The following HSD17B3 variants were observed in gnomAD, a reference collection of about 807,000 sequenced individuals.
The protein encoded by HSD17B3 is hydroxysteroid 17-beta dehydrogenase 3.
Under a neutral mutation model 41.1 loss-of-function variants are expected in HSD17B3, and 29 were observed. The observed-to-expected ratio is 0.71, with a 90% confidence interval of 0.53 to 0.96. HSD17B3 has a LOEUF of 0.96. Among genes scored for constraint, HSD17B3 ranks in the 40% least tolerant of loss-of-function variants. The pLI is 0.00. For synonymous variants in HSD17B3, 126 were observed against 145.6 expected (o/e 0.87, Z 0.97); for missense variants, 323 against 374.6 (o/e 0.86, Z 1.14).
intron 9 of HSD17B3, 24 bp from the exon 10 acceptor site, chr9:96,240,931 G>A: frequency 6.2e-7 from 1 of 1,613,898 alleles, no homozygotes; most frequent in South Asian, 1.1e-5. Flanking sequence ...CAAAGACCAT[G>A]GCACAGAAGC....
chr9:96,257,812 G>A (rs550860708), intron 2 of HSD17B3, among the ~76,000 whole-genome samples: 3 of 152,074 alleles, frequency 2.0e-5, no homozygotes, highest in Non-Finnish European at 4.4e-5. Flanking sequence ...CTACAGATGC[G>A]TGCCATCATG....
intron 2 of HSD17B3, among the ~76,000 whole-genome samples, chr9:96,289,813 C>G (rs920180670): frequency 6.6e-6 from 1 of 152,098 alleles, no homozygotes; most frequent in African/African-American, 2.4e-5. Flanking sequence ...GCTCCATACA[C>G]AGGTTTTGCC....
chr9:96,249,485 C>A, intron 6 of HSD17B3: 2 of 495,384 alleles, frequency 4.0e-6, no homozygotes, highest in East Asian at 3.2e-5. Context: ...TACGTTTCAG[C>A]ATCATCGAGC....
At chr9:96,277,657 GAA>G (rs1826517612) in intron 2 of HSD17B3, among the ~76,000 whole-genome samples, 1 of 130,284 alleles carries the variant, frequency 7.7e-6, no homozygotes, top group African/African-American at 2.8e-5. Context: ...AAACTGTATG[GAA>G]GTTCCTTCAA....
At position 96,272,373 on chromosome 9, in the gene HSD17B3, A is replaced by ATCTCTC. The variant is rs373017603; in HGVS notation, c.202-17436_202-17431dup. Among the ~76,000 whole-genome samples the ATCTCTC allele has an allele frequency of 5.9e-3, 26 of 4,414 alleles. 6 individuals are homozygous for ATCTCTC. The highest frequency in any genetic ancestry group is 0.013 in the South Asian group (1 of 76). 2.9% of individuals were successfully genotyped at this position (4,414 alleles called of 152,430 possible). On this transcript the variant is annotated intron_variant, in intron 2 of 10. Coordinates refer to ENST00000375263, the MANE Select transcript of HSD17B3 (RefSeq NM_000197.2). ...GCCTGGGCAACAAGAGTAAGACTGC[A>ATCTCTC]TCTCTCTCTCTCTCTCTCTCTCTCT...
intron 2 of HSD17B3, among the ~76,000 whole-genome samples, chr9:96,282,030 G>GT (rs1281310747): frequency 3.9e-5 from 6 of 152,206 alleles, no homozygotes; most frequent in Non-Finnish European, 5.9e-5. Context: ...TTTCTATATT[G>GT]TTCTGCCACA....
At chr9:96,260,118 C>G (rs1057362822) in intron 2 of HSD17B3, among the ~76,000 whole-genome samples, 17 of 152,276 alleles carry the variant, frequency 1.1e-4, no homozygotes, top group African/African-American at 4.1e-4. Context: ...GGTAGATATT[C>G]TTTATCAATT....
chr9:96,245,547 T>C, intron 7 of HSD17B3, 121 bp from the exon 8 acceptor site: 2 of 739,446 alleles, frequency 2.7e-6, no homozygotes, highest in Non-Finnish European at 4.9e-6. Flanking sequence ...CTTCCGCAAG[T>C]GCTAGGGGCT....
intron 2 of HSD17B3, among the ~76,000 whole-genome samples, chr9:96,279,090 A>G (rs1826586709): frequency 6.6e-6 from 1 of 152,250 alleles, no homozygotes; most frequent in Non-Finnish European, 1.5e-5. Context: ...GTTCAAGGCC[A>G]TGAATGCTAC....
intron 2 of HSD17B3, among the ~76,000 whole-genome samples, chr9:96,274,473 T>C (rs182206284): frequency 9.0e-4 from 136 of 150,884 alleles, no homozygotes; most frequent in African/African-American, 3.2e-3. Flanking sequence ...AATAAATAAA[T>C]AAAAGAACAC....
chr9:96,292,018 A>G (rs1462579559), intron 2 of HSD17B3, among the ~76,000 whole-genome samples: 1 of 152,204 alleles, frequency 6.6e-6, no homozygotes, highest in African/African-American at 2.4e-5. Flanking sequence ...TGGCAAAAAT[A>G]GAAAAATCTC....
At chr9:96,243,044 C>T (rs934393785) in intron 9 of HSD17B3, among the ~76,000 whole-genome samples, 1 of 152,226 alleles carries the variant, frequency 6.6e-6, no homozygotes, top group Non-Finnish European at 1.5e-5. Flanking sequence ...ACTCCTTTTC[C>T]TCTGGCATGT....
chr9:96,260,813 T>A (rs1214097638), intron 2 of HSD17B3, among the ~76,000 whole-genome samples: 1 of 152,116 alleles, frequency 6.6e-6, no homozygotes, highest in African/African-American at 2.4e-5. Flanking sequence ...GAGTAGCAAC[T>A]AAGAGGAATG....
At chr9:96,240,686 AGCCCAGCCCTGCCAGGGCCACCT>A in intron 10 of HSD17B3, 49 bp downstream of exon 10, 1 of 1,468,378 alleles carries the variant, frequency 6.8e-7, no homozygotes, top group Middle Eastern at 1.7e-4. Context: ...AGGAAGAGCT[AGCCCAGCCCTGCCAGGGCCACCT>A]GCGTGTCCTC....
At chr9:96,290,461 T>C (rs1228271952) in intron 2 of HSD17B3, among the ~76,000 whole-genome samples, 3 of 142,494 alleles carry the variant, frequency 2.1e-5, no homozygotes, top group African/African-American at 5.3e-5. Context: ...CTGGGCTTTT[T>C]TTTTTTTTTT....
At chr9:96,287,334 C>G (rs1328477220) in intron 2 of HSD17B3, among the ~76,000 whole-genome samples, 1 of 152,202 alleles carries the variant, frequency 6.6e-6, no homozygotes, top group Admixed American at 6.5e-5. Context: ...CCAACACACA[C>G]AGCCACTGGG....
intron 2 of HSD17B3, among the ~76,000 whole-genome samples, chr9:96,263,076 G>C (rs1383992580): frequency 6.6e-6 from 1 of 152,210 alleles, no homozygotes; most frequent in African/African-American, 2.4e-5. Context: ...CCAAGTCTCA[G>C]TGACTTCGTA....
intron 2 of HSD17B3, among the ~76,000 whole-genome samples, chr9:96,281,805 T>C (rs192494763): frequency 6.6e-5 from 10 of 152,336 alleles, no homozygotes; most frequent in Admixed American, 2.0e-4. Context: ...TCAGCGTTGC[T>C]GCAATGGGTG....
Position 96,254,923 on chromosome 9 carries a change from A to G in HSD17B3, c.222T>C (p.Asn74=), listed in dbSNP as rs1554695412. 3.7e-6 allele frequency: 6 copies of G among 1,614,038 alleles called. No homozygotes were observed. The highest frequency in any genetic ancestry group is 5.1e-6 in the Non-Finnish European group (6 of 1,179,978). ...YSFELAKRGL[N]VVLISRTLEK... is the part of the protein sequence containing the mutation. The stretch of plus-strand genomic sequence containing the variant: ...CCAGCGTCCGGCTAATAAGGACAAC[A>G]TTGAGTCCACGTTTTGCTAGCTGAG... The change falls in exon 3 of 11, where the codon AAT becomes AAC. Residue 74 remains asparagine (N), a synonymous_variant. Transcript: ENST00000375263.
Sources: allele counts gnomAD v4.1 joint callset (sites outside exome capture counted in the v4.1 genomes callset), GRCh38; gene constraint gnomAD v4.1.1; transcripts MANE v1.5; gene names NCBI Gene and HGNC (gene_info 2026-07-23, HGNC 2026-07-21).